Variants in ZNG1B observed in about 807,000 individuals in gnomAD.
ZNG1B encodes Zn regulated GTPase metalloprotein activator 1B.
the ZNG1B span, among the ~76,000 whole-genome samples, chr2:113,479,643 C>T: frequency 6.6e-6 from 1 of 152,176 alleles, no homozygotes; most frequent in African/African-American, 2.4e-5. Context: ...CTTCATTTGA[C>T]TATCAGTGCT....
At chr2:113,446,772 GCACACA>G in the ZNG1B span, among the ~76,000 whole-genome samples, 31,275 of 143,240 alleles carry the variant, frequency 0.22, 3,113 homozygotes, top group East Asian at 0.52. Flanking sequence ...ACATGCACAC[GCACACA>G]CACACACACA....
chr2:113,447,835 C>T, the ZNG1B span: 1 of 449,774 alleles, frequency 2.2e-6, no homozygotes, highest in Non-Finnish European at 4.4e-6. Flanking sequence ...GGAATTGAGT[C>T]ACATCTTCAG....
chr2:113,441,926 G>A, the ZNG1B span, among the ~76,000 whole-genome samples: 1 of 152,136 alleles, frequency 6.6e-6, no homozygotes, highest in Admixed American at 6.5e-5. Flanking sequence ...TTTTAGTAGA[G>A]ACAGGGTTTC....
the ZNG1B span, among the ~76,000 whole-genome samples, chr2:113,480,353 T>C: frequency 6.6e-6 from 1 of 151,668 alleles, no homozygotes; most frequent in Non-Finnish European, 1.5e-5. Context: ...GCTACGTTGC[T>C]CAGGCTCGTC....
the ZNG1B span, among the ~76,000 whole-genome samples, chr2:113,439,356 G>C: frequency 6.6e-6 from 1 of 151,382 alleles, no homozygotes; most frequent in African/African-American, 2.4e-5. Context: ...CTACACACCT[G>C]TGTAATTTCT....
At chr2:113,438,808 A>G in the ZNG1B span, among the ~76,000 whole-genome samples, 1 of 152,316 alleles carries the variant, frequency 6.6e-6, no homozygotes, top group South Asian at 2.1e-4. Context: ...AAAAGTTAAG[A>G]AATGTAAATA....
the ZNG1B span, among the ~76,000 whole-genome samples, chr2:113,484,510 A>G: frequency 6.6e-6 from 1 of 152,200 alleles, no homozygotes; most frequent in Non-Finnish European, 1.5e-5. Flanking sequence ...TTGGGATAGC[A>G]TGTCCTGAAC....
At chr2:113,455,607 C>T in the ZNG1B span, 78 of 1,287,062 alleles carry the variant, frequency 6.1e-5, no homozygotes, top group South Asian at 4.9e-4. Flanking sequence ...CCCACTGACC[C>T]GTTCCCAATC....
the ZNG1B span, among the ~76,000 whole-genome samples, chr2:113,451,130 CT>C: frequency 6.6e-6 from 1 of 152,206 alleles, no homozygotes; most frequent in Non-Finnish European, 1.5e-5. Context: ...TTTTTGTTGA[CT>C]TTTCCTTGTG....
the ZNG1B span, among the ~76,000 whole-genome samples, chr2:113,481,076 C>T: frequency 2.1e-5 from 3 of 143,594 alleles, no homozygotes; most frequent in Non-Finnish European, 4.5e-5. Flanking sequence ...CTTAAATGTT[C>T]GTTGTTAGAT....
At chr2:113,444,652 G>C in the ZNG1B span, among the ~76,000 whole-genome samples, 2 of 151,572 alleles carry the variant, frequency 1.3e-5, no homozygotes, top group African/African-American at 4.8e-5. Flanking sequence ...TCATTATTTT[G>C]TATGTTGGTT....
At chr2:113,495,410 G>T in the ZNG1B span, 1 of 771,406 alleles carries the variant, frequency 1.3e-6, no homozygotes, top group East Asian at 3.9e-5. Context: ...GTTCGTAAAA[G>T]CTTGTTAGGA....
At chr2:113,456,477 C>T in the ZNG1B span, among the ~76,000 whole-genome samples, 1 of 150,426 alleles carries the variant, frequency 6.6e-6, no homozygotes, top group Non-Finnish European at 1.5e-5. Flanking sequence ...TTTTGATAGA[C>T]TGAAAATGCC....
chr2:113,483,151 T>A, the ZNG1B span, among the ~76,000 whole-genome samples: 28,100 of 149,156 alleles, frequency 0.19, 76 homozygotes, highest in East Asian at 0.38. Flanking sequence ...TCGGTATCTG[T>A]CATATAGCTG....
the ZNG1B span, among the ~76,000 whole-genome samples, chr2:113,483,203 C>T: frequency 6.6e-6 from 1 of 152,192 alleles, no homozygotes; most frequent in Non-Finnish European, 1.5e-5. Context: ...GAACGTGATG[C>T]CAAGAATCAT....
At chr2:113,437,741 G>C in the ZNG1B span, 18 of 1,520,234 alleles carry the variant, frequency 1.2e-5, no homozygotes, top group Non-Finnish European at 1.5e-5. Context: ...GGCGGGATCA[G>C]CGAGCGTCGC....
the ZNG1B span, among the ~76,000 whole-genome samples, chr2:113,466,989 G>A: frequency 2.7e-5 from 4 of 148,586 alleles, no homozygotes; most frequent in Admixed American, 6.7e-5. Context: ...GCGTGAACCC[G>A]GGAGGCGGAG....
chr2:113,439,936 G>A, the ZNG1B span, among the ~76,000 whole-genome samples: 1 of 133,988 alleles, frequency 7.5e-6, no homozygotes, highest in Non-Finnish European at 1.5e-5. Flanking sequence ...CCAGGCTGGA[G>A]TGCAGTGGCG....
the ZNG1B span, among the ~76,000 whole-genome samples, chr2:113,484,924 C>A: frequency 6.6e-6 from 1 of 151,988 alleles, no homozygotes. Flanking sequence ...TTCGGCCTCC[C>A]AAAGTGCTGG....
Sources: allele counts gnomAD v4.1 joint callset (sites outside exome capture counted in the v4.1 genomes callset), GRCh38; gene constraint gnomAD v4.1.1; transcripts MANE v1.5; gene names NCBI Gene and HGNC (gene_info 2026-07-23, HGNC 2026-07-21).